Variants in CCDC30 observed in about 807,000 individuals in gnomAD.
CCDC30 encodes the protein coiled-coil domain-containing protein 30.
Under a neutral mutation model 100.2 loss-of-function variants are expected in CCDC30, and 70 were observed. The observed-to-expected ratio is 0.70, with a 90% confidence interval of 0.58 to 0.85. CCDC30 has a LOEUF of 0.85. CCDC30 is among the 40% of genes least tolerant of loss of function. The pLI is 0.00. For synonymous variants in CCDC30, 233 were observed against 269.5 expected (o/e 0.86, Z 1.33); for missense variants, 652 against 771.2 (o/e 0.85, Z 1.83).
intron 6 of CCDC30, 83 bp downstream of exon 6, chr1:42,498,999 T>C: frequency 6.2e-6 from 4 of 641,956 alleles, no homozygotes; most frequent in Non-Finnish European, 8.9e-6. Context: ...TGATTGGTGC[T>C]AATCATTTGC....
chr1:42,599,902 G>T (rs1182926600), intron 10 of CCDC30, among the ~76,000 whole-genome samples: 1 of 152,156 alleles, frequency 6.6e-6, no homozygotes, highest in Non-Finnish European at 1.5e-5. Flanking sequence ...GGCTGGGGAG[G>T]CTTCAGGATA....
At chr1:42,648,638 C>A (rs1648086006) in intron 15 of CCDC30, among the ~76,000 whole-genome samples, 1 of 152,100 alleles carries the variant, frequency 6.6e-6, no homozygotes, top group African/African-American at 2.4e-5. Flanking sequence ...CCACTGCTCT[C>A]CAGCCTGGGT....
intron 9 of CCDC30, among the ~76,000 whole-genome samples, chr1:42,587,235 GATC>G (rs2148602684): frequency 6.6e-6 from 1 of 152,230 alleles, no homozygotes; most frequent in South Asian, 2.1e-4. Flanking sequence ...GGGCTCAAGC[GATC>G]CTCCTACCTT....
chr1:42,618,229 C>CTTT (rs563022326), intron 11 of CCDC30, among the ~76,000 whole-genome samples: 954 of 90,434 alleles, frequency 0.011, 57 homozygotes, highest in African/African-American at 0.036. Flanking sequence ...CCAGTGATAT[C>CTTT]TTTTTTTTTT....
chr1:42,508,031 C>T (rs1258324919), intron 6 of CCDC30, among the ~76,000 whole-genome samples: 1 of 152,166 alleles, frequency 6.6e-6, no homozygotes, highest in Non-Finnish European at 1.5e-5. Flanking sequence ...ATATTACACA[C>T]AACACATATA....
chr1:42,472,757 C>G (rs1643812444), intron 1 of CCDC30, among the ~76,000 whole-genome samples: 1 of 151,748 alleles, frequency 6.6e-6, no homozygotes, highest in South Asian at 2.1e-4. Flanking sequence ...CCAGCTGTTT[C>G]ATTTAAGTGC....
intron 4 of CCDC30, among the ~76,000 whole-genome samples, chr1:42,492,687 G>A (rs536041232): frequency 4.0e-5 from 6 of 151,860 alleles, no homozygotes; most frequent in South Asian, 4.2e-4. Context: ...TCACGTTGTC[G>A]CCCAGGCTGG....
intron 13 of CCDC30, 101 bp downstream of exon 17, chr1:42,642,710 A>AC: frequency 8.8e-7 from 1 of 1,137,522 alleles, no homozygotes; most frequent in Non-Finnish European, 1.2e-6. Flanking sequence ...TTTGTAGCCT[A>AC]CCCTATGACT....
intron 6 of CCDC30, among the ~76,000 whole-genome samples, chr1:42,524,116 TAA>T (rs2148506690): frequency 6.6e-6 from 1 of 151,994 alleles, no homozygotes; most frequent in Admixed American, 6.6e-5. Context: ...TTTTTTTTTT[TAA>T]GTTTTAAATG....
At chr1:42,585,699 A>G (rs1646054037) in intron 9 of CCDC30, among the ~76,000 whole-genome samples, 1 of 151,986 alleles carries the variant, frequency 6.6e-6, no homozygotes, top group South Asian at 2.1e-4. Flanking sequence ...GTTTTCTGCT[A>G]TGTTGTATCC....
At chr1:42,459,993 A>T, upstream of CCDC30, 1 of 1,508,786 alleles carries the variant, frequency 6.6e-7, no homozygotes, top group Non-Finnish European at 8.8e-7. Context: ...CTACAAAAAA[A>T]ACCATGGCTT....
chr1:42,597,156 G>A (rs1226245450), intron 10 of CCDC30, among the ~76,000 whole-genome samples: 1 of 152,100 alleles, frequency 6.6e-6, no homozygotes. Context: ...TAAGATCTGT[G>A]GGATAAATGT....
At chr1:42,633,390 T>C (rs1647078953) in intron 11 of CCDC30, among the ~76,000 whole-genome samples, 1 of 152,000 alleles carries the variant, frequency 6.6e-6, no homozygotes, top group South Asian at 2.1e-4. Flanking sequence ...ACCTTCATCC[T>C]CTCCCCTCCC....
At chr1:42,642,116 C>T (rs1429400488) in intron 12 of CCDC30, among the ~76,000 whole-genome samples, 1 of 152,062 alleles carries the variant, frequency 6.6e-6, no homozygotes, top group East Asian at 1.9e-4. Context: ...GTCCCAGCTA[C>T]TTGGGAGGCT....
intron 6 of CCDC30, among the ~76,000 whole-genome samples, chr1:42,550,447 C>T (rs1645228280): frequency 6.6e-6 from 1 of 152,192 alleles, no homozygotes; most frequent in Non-Finnish European, 1.5e-5. Flanking sequence ...TACCATGACC[C>T]ATAAGGCCCT....
At chr1:42,592,144 T>C (rs1646198790) in intron 10 of CCDC30, 2 of 152,200 alleles carry the variant, frequency 1.3e-5, no homozygotes, top group Admixed American at 1.3e-4. Context: ...TTGGACTTGA[T>C]GCTGGAATGA....
chr1:42,546,400 ATATATATATATATATATATATAT>A lies in CCDC30; in HGVS notation c.457-19895_457-19873del, dbSNP rs1175646806. ...AATTCTGTCTCAAAAAAAAAAAAAA[ATATATATATATATATATATATAT>A]ATATATATATATATATATAGTATTC... On this transcript the variant is annotated intron_variant, in intron 6 of 16. Transcript: ENST00000668663. Among the ~76,000 whole-genome samples the A allele has an allele frequency of 2.3e-3, 220 of 97,526 alleles. 16 individuals carry two copies. The highest frequency in any genetic ancestry group is 6.4e-3 in the African/African-American group (164 of 25,532). The allele number at this position is 97,526 out of a possible 152,430, so 64.0% of individuals were successfully genotyped here.
intron 12 of CCDC30, among the ~76,000 whole-genome samples, chr1:42,638,853 G>A (rs1647217019): frequency 6.6e-6 from 1 of 151,916 alleles, no homozygotes; most frequent in East Asian, 1.9e-4. Context: ...TCTAGCCTGG[G>A]GGACAAGAGC....
At chr1:42,534,285 G>A (rs971312031) in intron 6 of CCDC30, among the ~76,000 whole-genome samples, 1 of 152,026 alleles carries the variant, frequency 6.6e-6, no homozygotes, top group African/African-American at 2.4e-5. Context: ...CATCTCAGGT[G>A]CCATAAGGGT....
Sources: allele counts gnomAD v4.1 joint callset (sites outside exome capture counted in the v4.1 genomes callset), GRCh38; gene constraint gnomAD v4.1.1; transcripts MANE v1.5; gene names NCBI Gene and HGNC (gene_info 2026-07-23, HGNC 2026-07-21).